The following KIRREL3 variants were observed in gnomAD, a reference collection of about 807,000 sequenced individuals.
KIRREL3 encodes kin of IRRE-like protein 3.
In KIRREL3, 36 loss-of-function variants were observed where a neutral mutation model predicts 89.7. That is an observed-to-expected ratio of 0.40 (90% CI 0.31 to 0.53). KIRREL3 has a LOEUF of 0.53. Among genes scored for constraint, KIRREL3 ranks in the 20% least tolerant of loss-of-function variants. KIRREL3 has a pLI of 0.49. For synonymous variants in KIRREL3, 445 were observed against 441.4 expected (o/e 1.01, Z -0.10); for missense variants, 864 against 1,056.6 (o/e 0.82, Z 2.53).
Position 126,664,125 on chromosome 11 carries a change from C to T in KIRREL3, c.56-101213G>A, listed in dbSNP as rs1945543867. ...CTTTTCATTAAAATTTCCATTAATACTGGAGCTGTTTAGAGCAAGTTGAAT... is the reference window on the plus strand; with the variant it reads ...CTTTTCATTAAAATTTCCATTAATATTGGAGCTGTTTAGAGCAAGTTGAAT... On this transcript the variant is annotated intron_variant, in intron 1 of 16. Transcript: ENST00000525144. The surrounding 1 kb of genome is among the most constrained non-coding windows in gnomAD (Gnocchi z 5.4). 6.6e-6 allele frequency among the ~76,000 whole-genome samples: 1 copy of T among 152,218 alleles called. No homozygotes were observed. The highest frequency in any genetic ancestry group is 2.4e-5 in the African/African-American group (1 of 41,458).
intron 1 of KIRREL3, among the ~76,000 whole-genome samples, chr11:126,819,138 T>C (rs1879453): frequency 0.86 from 131,368 of 152,124 alleles, 57,074 homozygotes; most frequent in East Asian, 1. Context: ...GATGCAAGAC[T>C]TGTAGATATG....
intron 1 of KIRREL3, among the ~76,000 whole-genome samples, chr11:126,901,370 AAGT>A (rs1436585330): frequency 2.0e-5 from 3 of 152,132 alleles, no homozygotes; most frequent in Non-Finnish European, 4.4e-5. Context: ...TTGTGGTAAG[AAGT>A]AGTCCCTTCT....
chr11:126,450,612 CGT>C (rs1031961947), intron 7 of KIRREL3, among the ~76,000 whole-genome samples: 1 of 130,340 alleles, frequency 7.7e-6, no homozygotes, highest in African/African-American at 3.0e-5. Context: ...TGTCCATCGG[CGT>C]GTGCGAGCAT....
chr11:126,732,324 C>T (rs768320414), intron 1 of KIRREL3, among the ~76,000 whole-genome samples: 2 of 152,124 alleles, frequency 1.3e-5, no homozygotes, highest in African/African-American at 4.8e-5. Context: ...GTATTGAGCC[C>T]GAGGATGCAG....
rs1247836092 is a variant in KIRREL3 at position 126,788,891 on chromosome 11, CATT to C, written c.55+211561_55+211563del. 6.6e-6 allele frequency among the ~76,000 whole-genome samples: 1 copy of C among 152,142 alleles called. No homozygotes were observed. The highest frequency in any genetic ancestry group is 1.5e-5 in the Non-Finnish European group (1 of 68,028). The stretch of plus-strand genomic sequence containing the variant: ...GTAGAAAATCAGCATTGTAAATAAT[CATT>C]ATTATCAAAGAGTGTCATGTATTAA... On this transcript the variant is annotated intron_variant, in intron 1 of 16. Transcript: ENST00000525144. The surrounding 1 kb of genome is among the most constrained non-coding windows in gnomAD (Gnocchi z 4.1).
intron 1 of KIRREL3, among the ~76,000 whole-genome samples, chr11:126,881,960 T>A (rs1945519598): frequency 6.6e-6 from 1 of 152,166 alleles, no homozygotes. Flanking sequence ...CAAGGCCCAT[T>A]TGAGAGCCTT....
At chr11:126,646,666 G>A (rs1218557839) in intron 1 of KIRREL3, among the ~76,000 whole-genome samples, 1 of 151,766 alleles carries the variant, frequency 6.6e-6, no homozygotes, top group Non-Finnish European at 1.5e-5. Context: ...GTAGAGACGG[G>A]GTTTCACCAT....
intron 1 of KIRREL3, among the ~76,000 whole-genome samples, chr11:126,621,234 TG>T (rs1361202599): frequency 6.6e-6 from 1 of 152,228 alleles, no homozygotes; most frequent in Non-Finnish European, 1.5e-5. Flanking sequence ...GAGTGGGGGA[TG>T]GGGAGAACCC....
intron 1 of KIRREL3, among the ~76,000 whole-genome samples, chr11:126,980,921 G>A (rs1023312572): frequency 2.6e-5 from 4 of 152,210 alleles, no homozygotes; most frequent in Admixed American, 2.6e-4. Context: ...GGTGCTAGGA[G>A]TGTGAACGTG....
chr11:126,458,095 G>T (rs915510589), intron 6 of KIRREL3, among the ~76,000 whole-genome samples: 2 of 152,164 alleles, frequency 1.3e-5, no homozygotes, highest in African/African-American at 4.8e-5. Context: ...TCCCTGTCAT[G>T]GCCCAGAGCT....
chr11:126,576,697 C>T lies in KIRREL3; in HGVS notation c.56-13785G>A, dbSNP rs1043860783. 1.3e-5 allele frequency among the ~76,000 whole-genome samples: 2 copies of T among 152,164 alleles called. No homozygotes were observed. The highest frequency in any genetic ancestry group is 4.8e-5 in the African/African-American group (2 of 41,436). Reference sequence around the variant, plus strand: ...ACCAGTTGGTTTGAATGTGGGTGCACGTGCATGTATGAGTTCATTAATTTG... The same window carrying T: ...ACCAGTTGGTTTGAATGTGGGTGCATGTGCATGTATGAGTTCATTAATTTG... On this transcript the variant is annotated intron_variant, in intron 1 of 16. Coordinates refer to ENST00000525144, the MANE Select transcript of KIRREL3 (RefSeq NM_032531.4). This position sits in a 1 kb window ranked among gnomAD's most constrained non-coding sequence, Gnocchi z 5.4.
At chr11:126,941,375 T>C (rs1592422483) in intron 1 of KIRREL3, among the ~76,000 whole-genome samples, 1 of 152,218 alleles carries the variant, frequency 6.6e-6, no homozygotes, top group South Asian at 2.1e-4. Flanking sequence ...TGGCTGCAAG[T>C]CTGCTAATAA....
chr11:126,650,334 G>A (rs1944863055), intron 1 of KIRREL3, among the ~76,000 whole-genome samples: 1 of 152,080 alleles, frequency 6.6e-6, no homozygotes. Context: ...TCAGAAAATG[G>A]GCTTTTCTTT....
rs1324592865 is a variant in KIRREL3, at chr11:126,999,164, G to T, written c.55+1291C>A. ...TGAATACATGAGTGTGTGTGTGTGT[G>T]TGTGTGTACATACATTATCATTATA... is the stretch of plus-strand genomic sequence containing the variant. On this transcript the variant is annotated intron_variant, in intron 1 of 16. Transcript: ENST00000525144. This position sits in a 1 kb window ranked among gnomAD's most constrained non-coding sequence, Gnocchi z 5.7. Among the ~76,000 whole-genome samples, 2 of 151,966 alleles carry T rather than the reference G, an allele frequency of 1.3e-5. No homozygotes were observed. The highest frequency in any genetic ancestry group is 2.9e-5 in the Non-Finnish European group (2 of 68,014).
intron 1 of KIRREL3, among the ~76,000 whole-genome samples, chr11:126,625,362 C>T (rs894560496): frequency 1.3e-5 from 2 of 152,148 alleles, no homozygotes; most frequent in Non-Finnish European, 2.9e-5. Flanking sequence ...GCGACATTTT[C>T]TTCCAAAAAG....
In KIRREL3 at chr11:126,768,501, C is replaced by T. The variant is rs1949918371; in HGVS notation, c.56-205589G>A. Among the ~76,000 whole-genome samples, 1 of 152,180 alleles carries T rather than the reference C, an allele frequency of 6.6e-6. No homozygotes were observed. The highest frequency in any genetic ancestry group is 2.4e-5 in the African/African-American group (1 of 41,420). On this transcript the variant is annotated intron_variant, in intron 1 of 16. Transcript: ENST00000525144. This position sits in a 1 kb window ranked among gnomAD's most constrained non-coding sequence, Gnocchi z 4.5. ...GTTGAAGAGACAGACAATAAAAAGA[C>T]TAGACATACACAAGACAGATTCCAA...
rs1034743803 is a variant in KIRREL3, at chr11:126,995,280, G to A, written c.55+5175C>T. On this transcript the variant is annotated intron_variant, in intron 1 of 16. Transcript: ENST00000525144. This position sits in a 1 kb window ranked among gnomAD's most constrained non-coding sequence, Gnocchi z 6.5. Reference sequence around the variant, plus strand: ...GAGCTCCAATCACTCTGCTGCAAGCGCCACCATTAAAGTCAAGATCACTGT... The same window carrying A: ...GAGCTCCAATCACTCTGCTGCAAGCACCACCATTAAAGTCAAGATCACTGT... The A allele has an allele frequency of 1.5e-5, 7 of 456,072 alleles. No homozygotes were observed. Among genetic ancestry groups the A allele is most frequent in the African/African-American group, 4.0e-5 (2 of 50,046 alleles). 28.3% of individuals were successfully genotyped at this position (456,072 alleles called of 1,614,324 possible). A position where few individuals can be genotyped will look rare whatever the true frequency, so the allele number is the denominator to read the frequency against.
chr11:126,803,280 G>C (rs1324493993), intron 1 of KIRREL3, among the ~76,000 whole-genome samples: 3 of 152,134 alleles, frequency 2.0e-5, no homozygotes, highest in Non-Finnish European at 4.4e-5. Context: ...ACTGAGCTGG[G>C]CCCTGAAAAT....
chr11:126,562,183 T>C lies in KIRREL3; in HGVS notation c.133+652A>G, dbSNP rs1347368666. ...GATGGCTAGGGATGGAGAGGATTGG[T>C]TCTTTATTACAGCAGACCCGTAAGT... On this transcript the variant is annotated intron_variant, in intron 2 of 16. Transcript: ENST00000525144. This position sits in a 1 kb window ranked among gnomAD's most constrained non-coding sequence, Gnocchi z 4.7. Among the ~76,000 whole-genome samples the C allele has an allele frequency of 6.6e-6, 1 of 152,190 alleles. No individual in the cohort carries two copies. Among genetic ancestry groups the C allele is most frequent in the Non-Finnish European group, 1.5e-5 (1 of 68,044 alleles).
Sources: allele counts gnomAD v4.1 joint callset (sites outside exome capture counted in the v4.1 genomes callset), GRCh38; gene constraint gnomAD v4.1.1; non-coding constraint Gnocchi (gnomAD v3.1); transcripts MANE v1.5; gene names NCBI Gene and HGNC (gene_info 2026-07-23, HGNC 2026-07-21).